Variants in SPG11 observed in about 807,000 individuals in gnomAD.
SPG11 encodes the protein spatacsin.
SPG11 carries 222 observed loss-of-function variants against 274.0 expected under a neutral mutation model. The ratio of observed to expected loss-of-function variants is 0.81; its 90% CI spans 0.73 to 0.91. The LOEUF (loss-of-function observed/expected upper bound fraction) is 0.91. Ranked by LOEUF, SPG11 falls within the 40% of genes least tolerant of loss-of-function variation. The pLI is 0.00. For synonymous variants in SPG11, 1,144 were observed against 1,039.7 expected (o/e 1.10, Z -1.93); for missense variants, 3,114 against 2,872.7 (o/e 1.08, Z -1.92).
rs1406297451 is a variant in SPG11, at chr15:44,620,405, T to C, written c.2621-2A>G. The C allele has an allele frequency of 6.2e-7, 1 of 1,604,182 alleles. No individual in the cohort carries two copies. The highest frequency in any genetic ancestry group is 8.5e-7 in the Non-Finnish European group (1 of 1,173,068). On this transcript the variant is annotated splice_acceptor_variant, in intron 14 of 39. Coordinates refer to ENST00000261866, the MANE Select transcript of SPG11 (RefSeq NM_025137.4). LOFTEE classifies it high-confidence loss of function. The stretch of plus-strand genomic sequence containing the variant: ...CTTCAGGGGAATATGATTTGTATTC[T>C]ACATGAAAAAAAACACATTTTAAAA...
At chr15:44,583,770 C>CA (rs1196503102) in intron 30 of SPG11, 44 bp downstream of exon 30, 1 of 1,613,546 alleles carries the variant, frequency 6.2e-7, no homozygotes, top group Admixed American at 1.7e-5. Context: ...ACAGTGCTAA[C>CA]AGTGCCATTT....
intron 6 of SPG11, among the ~76,000 whole-genome samples, chr15:44,650,642 A>C (rs2084743017): frequency 6.6e-6 from 1 of 151,924 alleles, no homozygotes; most frequent in Non-Finnish European, 1.5e-5. Context: ...AAAAAAAGTA[A>C]ATTAAAAAAA....
intron 29 of SPG11, among the ~76,000 whole-genome samples, chr15:44,585,352 G>T (rs1418574884): frequency 6.6e-6 from 1 of 151,280 alleles, no homozygotes; most frequent in Non-Finnish European, 1.5e-5. Flanking sequence ...CACTTTGGGA[G>T]GCAGAGGCGG....
In SPG11 at chr15:44,634,128, T is replaced by C. The variant is rs1320574740; in HGVS notation, c.1603-491A>G. On this transcript the variant is annotated intron_variant, in intron 7 of 39. Coordinates refer to ENST00000261866, the MANE Select transcript of SPG11 (RefSeq NM_025137.4). ...TGCTGGGATTACAGGTACAAGCCAC[T>C]GCGCCTGGCCCAATTTCTGCTTCAA... 5.3e-5 allele frequency among the ~76,000 whole-genome samples: 8 copies of C among 152,108 alleles called. No homozygotes were observed. The South Asian group carries it at 1.4e-3, about 28-fold the overall frequency.
At chr15:44,660,760 A>C (rs2085081862) in intron 1 of SPG11, 144 bp from the exon 2 acceptor site, 2 of 778,872 alleles carry the variant, frequency 2.6e-6, no homozygotes. Context: ...AGAGAACATA[A>C]ACTGCTCTAG....
chr15:44,654,641 A>G (rs1423832900), intron 4 of SPG11, among the ~76,000 whole-genome samples: 1 of 152,152 alleles, frequency 6.6e-6, no homozygotes, highest in Non-Finnish European at 1.5e-5. Flanking sequence ...TAAGTTCAAA[A>G]CCAGCCTGGC....
intron 39 of SPG11, among the ~76,000 whole-genome samples, chr15:44,564,159 AT>A (rs1236357023): frequency 6.6e-6 from 1 of 151,798 alleles, no homozygotes; most frequent in African/African-American, 2.4e-5. Context: ...CACCCAGCTA[AT>A]TTTTGTATTT....
chr15:44,587,341 G>C (rs2082788323), intron 28 of SPG11, among the ~76,000 whole-genome samples: 1 of 152,108 alleles, frequency 6.6e-6, no homozygotes, highest in South Asian at 2.1e-4. Flanking sequence ...TCTGATTCAG[G>C]TAGTTCTGGG....
At position 44,575,149 on chromosome 15, in the gene SPG11, A is replaced by G. The variant is rs1227524744; in HGVS notation, c.5867-108T>C. The G allele has an allele frequency of 2.9e-6, 4 of 1,389,740 alleles. No individual in the cohort carries two copies. The Middle Eastern group carries it at 7.5e-4, about 259-fold the overall frequency. 86.1% of individuals were successfully genotyped at this position (1,389,740 alleles called of 1,614,324 possible). A position where few individuals can be genotyped will look rare whatever the true frequency, so the allele number is the denominator to read the frequency against. On this transcript the variant is annotated intron_variant, in intron 30 of 39. Coordinates refer to ENST00000261866, the MANE Select transcript of SPG11 (RefSeq NM_025137.4). The stretch of plus-strand genomic sequence containing the variant: ...TTGAAGCTCCCTGCACTGCACTCCC[A>G]TTACTCTGACTGGGGATAGGACCAC...
At position 44,622,765 on chromosome 15, in the gene SPG11, C is replaced by G; in HGVS notation, c.2279G>C (p.Cys760Ser). ...TATATTTTTATTAGTTGTATAGAAG[C>G]AGATCTTGAGCAATTGGCCTTTTAC... is the stretch of plus-strand genomic sequence containing the variant. ...FDVKGQLLKI[C>S]FYTTNKNIRD... Residue 760 changes from cysteine (C) to serine (S), a missense_variant, in exon 12 of 40, where the codon TGC becomes TCC. Coordinates refer to ENST00000261866, the MANE Select transcript of SPG11 (RefSeq NM_025137.4). The G allele has an allele frequency of 6.2e-7, 1 of 1,613,776 alleles. No individual in the cohort carries two copies. Among genetic ancestry groups the G allele is most frequent in the Non-Finnish European group, 8.5e-7 (1 of 1,179,830 alleles).
At chr15:44,660,244 A>G (rs1939690332) in intron 2 of SPG11, among the ~76,000 whole-genome samples, 188 bp downstream of exon 2, 2 of 152,222 alleles carry the variant, frequency 1.3e-5, no homozygotes, top group Non-Finnish European at 2.9e-5. Context: ...TCTAATATGT[A>G]TATGACACAA....
At chr15:44,607,198 C>A (rs1172158999) in intron 19 of SPG11, among the ~76,000 whole-genome samples, 2 of 152,212 alleles carry the variant, frequency 1.3e-5, no homozygotes, top group Non-Finnish European at 2.9e-5. Flanking sequence ...AAGCAGTATA[C>A]AAGTGCTGAC....
intron 5 of SPG11, 87 bp downstream of exon 5, chr15:44,652,042 T>G: frequency 6.4e-7 from 1 of 1,568,888 alleles, no homozygotes; most frequent in African/African-American, 1.4e-5. Context: ...AAAGTATCTA[T>G]CAAATAAAGA....
chr15:44,612,572 T>C (rs1301353721), intron 17 of SPG11, among the ~76,000 whole-genome samples: 1 of 152,026 alleles, frequency 6.6e-6, no homozygotes, highest in Non-Finnish European at 1.5e-5. Context: ...TTTTTAAAAA[T>C]CTTTTGTAGA....
Position 44,622,729 on chromosome 15 carries a change from A to G in SPG11, c.2315T>C (p.Leu772Ser), listed in dbSNP as rs879163313. 1.9e-6 allele frequency: 3 copies of G among 1,611,662 alleles called. No individual in the cohort carries two copies. In the South Asian group the frequency reaches 3.3e-5, roughly 18 times the overall value. ...CTATGTAGTCTCACCTTTACCTACC[A>G]AAAAGTCACGTATATTTTTATTAGT... ...YTTNKNIRDFLVEILKEKNYF... is the reference protein window; with the variant it reads ...YTTNKNIRDFSVEILKEKNYF... Residue 772 changes from leucine to serine, a missense_variant and splice_region_variant, in exon 12 of 40, where the codon TTG becomes TCG. By Grantham distance (145) the Leu-to-Ser change is moderately radical. Transcript: ENST00000261866.
At chr15:44,628,966 TG>T in intron 9 of SPG11, 122 bp from the exon 10 acceptor site, 1 of 1,028,364 alleles carries the variant, frequency 9.7e-7, no homozygotes, top group Admixed American at 2.0e-5. Flanking sequence ...TCAAACAATA[TG>T]TCTGAGGATT....
At chr15:44,661,642 T>C (rs1239507099) in intron 1 of SPG11, among the ~76,000 whole-genome samples, 1 of 152,136 alleles carries the variant, frequency 6.6e-6, no homozygotes, top group Non-Finnish European at 1.5e-5. Flanking sequence ...TTTCTGACTG[T>C]TCATATTGAT....
chr15:44,585,681 T>C lies in SPG11; in HGVS notation c.5076A>G (p.Val1692=), dbSNP rs756494855. ...TDGQFALARR[V]AELAELPVDN... ...CCACAGGTAACTCAGCTAATTCTGC[T>C]ACCCTCCTGGCCAAAGCGAATTGTC... The change falls in exon 29 of 40, where the codon GTA becomes GTG. Residue 1692 remains valine (V), a synonymous_variant. Coordinates refer to ENST00000261866, the MANE Select transcript of SPG11 (RefSeq NM_025137.4). 6.2e-7 allele frequency: 1 copy of C among 1,608,652 alleles called. No individual in the cohort carries two copies. Among genetic ancestry groups the C allele is most frequent in the Non-Finnish European group, 8.5e-7 (1 of 1,176,746 alleles).
intron 25 of SPG11, among the ~76,000 whole-genome samples, 194 bp downstream of exon 25, chr15:44,595,889 C>G (rs1315610952): frequency 6.6e-6 from 1 of 152,170 alleles, no homozygotes; most frequent in Non-Finnish European, 1.5e-5. Flanking sequence ...CACTGAATGT[C>G]AAGGCACAAG....
Sources: allele counts gnomAD v4.1 joint callset (sites outside exome capture counted in the v4.1 genomes callset), GRCh38; gene constraint gnomAD v4.1.1; transcripts MANE v1.5; gene names NCBI Gene and HGNC (gene_info 2026-07-23, HGNC 2026-07-21).